The following LRP10 variants were observed in gnomAD, a reference collection of about 807,000 sequenced individuals.
LRP10 encodes low-density lipoprotein receptor-related protein 10.
In LRP10, 42 loss-of-function variants were observed where a neutral mutation model predicts 58.5. The observed-to-expected ratio is 0.72, with a 90% confidence interval of 0.56 to 0.93. The LOEUF is 0.93. Ranked by LOEUF, LRP10 falls within the 40% of genes least tolerant of loss-of-function variation. LRP10 has a pLI of 0.00. For synonymous variants in LRP10, 377 were observed against 388.5 expected, an observed-to-expected ratio of 0.97 and a Z score of 0.35; for missense variants, 872 against 940.1, an observed-to-expected ratio of 0.93 and a Z score of 0.95.
chr14:22,872,799 T>C lies in LRP10; in HGVS notation c.79+17T>C, dbSNP rs781021837. The C allele has an allele frequency of 2.5e-6, 4 of 1,613,840 alleles. No individual in the cohort carries two copies. In the South Asian group the frequency reaches 4.4e-5, roughly 18 times the overall value. Reference sequence around the variant, plus strand: ...CAAATCATGGTGAGTTGAGGGAACCTCTGGGGCTCCGTGGGCTTGGGAATG... The same window carrying C: ...CAAATCATGGTGAGTTGAGGGAACCCCTGGGGCTCCGTGGGCTTGGGAATG... On this transcript the variant is annotated intron_variant, in intron 2 of 6. Coordinates refer to ENST00000359591, the MANE Select transcript of LRP10 (RefSeq NM_014045.5).
At position 22,877,080 on chromosome 14, in the gene LRP10, G is replaced by A. The variant is rs772610337; in HGVS notation, c.1695G>A (p.Leu565=). The A allele has an allele frequency of 6.8e-6, 11 of 1,613,846 alleles. No individual in the cohort carries two copies. Among genetic ancestry groups the A allele is most frequent in the Non-Finnish European group, 9.3e-6 (11 of 1,179,884 alleles). Residue 565 remains leucine, a synonymous_variant, in exon 7 of 7, where the codon TTG becomes TTA. Transcript: ENST00000359591. The surrounding 1 kb of genome is among the most constrained non-coding windows in gnomAD (Gnocchi z 5.1). ...RLVRRLRRWG[L]LPRTNTPARA... The stretch of plus-strand genomic sequence containing the variant: ...TACGCCGTCTCCGCCGCTGGGGCTT[G>A]CTCCCTCGAACCAACACCCCGGCTC...
rs1007594885 is a variant in LRP10 at position 22,877,371 on chromosome 14, G to T, written c.1986G>T (p.Leu662=). 2 of 1,613,564 alleles carry T rather than the reference G, an allele frequency of 1.2e-6. No homozygotes were observed. The highest frequency in any genetic ancestry group is 1.3e-5 in the African/African-American group (1 of 74,936). The change falls in exon 7 of 7, where the codon CTG becomes CTT. Residue 662 remains leucine, a synonymous_variant. Coordinates refer to ENST00000359591, the MANE Select transcript of LRP10 (RefSeq NM_014045.5). The surrounding 1 kb of genome is among the most constrained non-coding windows in gnomAD (Gnocchi z 5.1). ...SGVVQALRGR[L]LPSLGPPGPT... is the part of the protein sequence containing the mutation. ...TGGTGCAGGCCCTGCGAGGCCGCCT[G>T]TTGCCCAGCCTGGGGCCCCCAGGAC... is the stretch of plus-strand genomic sequence containing the variant.
In LRP10 at chr14:22,877,774, A is replaced by T. The variant is rs1177596677; in HGVS notation, c.*247A>T. On this transcript the variant is annotated 3_prime_UTR_variant, in exon 7 of 7. Coordinates refer to ENST00000359591, the MANE Select transcript of LRP10 (RefSeq NM_014045.5). The surrounding 1 kb of genome is among the most constrained non-coding windows in gnomAD (Gnocchi z 5.1). ...CAGACACCCCAGTCCCTTCACCACC[A>T]CCTGCTCCCCACGCCACCACCATTT... is the stretch of plus-strand genomic sequence containing the variant. 2.5e-6 allele frequency: 1 copy of T among 401,710 alleles called. No individual in the cohort carries two copies. The highest frequency in any genetic ancestry group is 4.4e-6 in the Non-Finnish European group (1 of 227,382). 24.9% of individuals were successfully genotyped at this position (401,710 alleles called of 1,614,324 possible). A position where few individuals can be genotyped will look rare whatever the true frequency, so the allele number is the denominator to read the frequency against.
intron 2 of LRP10, 135 bp downstream of exon 2, chr14:22,872,917 A>G: frequency 1.1e-6 from 1 of 876,166 alleles, no homozygotes; most frequent in Non-Finnish European, 1.8e-6. Flanking sequence ...ATTTATAGAT[A>G]AGGAAGCTGA....
rs1268118563 is a variant in LRP10, at chr14:22,873,295, A to G, written c.80-16A>G. Reference sequence around the variant, plus strand: ...AGGGGCTGTCTACTACCCGTGTCCTACCTTCCTCTCTCCAGCTTGTGAGGA... The same window carrying G: ...AGGGGCTGTCTACTACCCGTGTCCTGCCTTCCTCTCTCCAGCTTGTGAGGA... On this transcript the variant is annotated splice_polypyrimidine_tract_variant and intron_variant, in intron 2 of 6. Transcript: ENST00000359591. The G allele has an allele frequency of 4.4e-6, 7 of 1,609,058 alleles. No homozygotes were observed. Among genetic ancestry groups the G allele is most frequent in the Non-Finnish European group, 6.0e-6 (7 of 1,176,446 alleles).
rs1214668596 is a variant in LRP10 at position 22,876,927 on chromosome 14, C to T, written c.1555-13C>T. The T allele has an allele frequency of 3.8e-6, 6 of 1,580,616 alleles. No homozygotes were observed. Among genetic ancestry groups the T allele is most frequent in the Non-Finnish European group, 5.2e-6 (6 of 1,160,540 alleles). On this transcript the variant is annotated splice_polypyrimidine_tract_variant and intron_variant, in intron 6 of 6. Transcript: ENST00000359591. Reference sequence around the variant, plus strand: ...TGGCCCTCTGACTCTGAGGCCTCCTCATTTCCTTGCAGAACTCAGTGCTGG... The same window carrying T: ...TGGCCCTCTGACTCTGAGGCCTCCTTATTTCCTTGCAGAACTCAGTGCTGG...
chr14:22,880,897 G>T lies in LRP10; in HGVS notation c.*3370G>T, dbSNP rs558500527. ...TGCGTGCCTGTAGTCCCATCTACTC[G>T]GGAGGCTGAAGCAGGAGAATCACTT... On this transcript the variant is annotated 3_prime_UTR_variant, in exon 7 of 7. Transcript: ENST00000359591. 2 of 152,216 alleles carry T rather than the reference G, an allele frequency of 1.3e-5. No homozygotes were observed. Among genetic ancestry groups the T allele is most frequent in the African/African-American group, 2.4e-5 (1 of 41,428 alleles). 9.4% of individuals were successfully genotyped at this position (152,216 alleles called of 1,614,324 possible).
chr14:22,872,270 C>T lies in LRP10; in HGVS notation c.-34C>T. The T allele has an allele frequency of 6.2e-7, 1 of 1,613,508 alleles. No homozygotes were observed. Among genetic ancestry groups the T allele is most frequent in the Non-Finnish European group, 8.5e-7 (1 of 1,179,498 alleles). On this transcript the variant is annotated 5_prime_UTR_variant, in exon 1 of 7. Transcript: ENST00000359591. Reference sequence around the variant, plus strand: ...CCCCATCGGGTAGACCACAGAAGCTCCGGGACCCTTCCGGCACCTCTGGAC... The same window carrying T: ...CCCCATCGGGTAGACCACAGAAGCTTCGGGACCCTTCCGGCACCTCTGGAC...
At chr14:22,872,647 A>C in intron 1 of LRP10, 91 bp from the exon 2 acceptor site, 1 of 1,288,288 alleles carries the variant, frequency 7.8e-7, no homozygotes, top group Non-Finnish European at 1.1e-6. Flanking sequence ...ACTGCCCGGA[A>C]GTCCCGGATG....
At chr14:22,873,550 G>A in intron 3 of LRP10, 104 bp downstream of exon 3, 2 of 1,370,384 alleles carry the variant, frequency 1.5e-6, no homozygotes, top group Non-Finnish European at 2.0e-6. Context: ...TTGAGACGGA[G>A]TTTCACTCTT....
intron 3 of LRP10, among the ~76,000 whole-genome samples, chr14:22,874,649 A>C (rs1005585976): frequency 6.6e-6 from 1 of 152,230 alleles, no homozygotes; most frequent in Admixed American, 6.5e-5. Flanking sequence ...GCACTTTGGG[A>C]GACCAAGGCG....
At chr14:22,873,239 C>T in intron 2 of LRP10, 72 bp from the exon 3 acceptor site, 1 of 1,544,242 alleles carries the variant, frequency 6.5e-7, no homozygotes, top group South Asian at 1.2e-5. Context: ...AACCTCAAGC[C>T]TCCAAGCGGA....
chr14:22,875,050 C>T lies in LRP10; in HGVS notation c.216-5C>T. The T allele has an allele frequency of 3.2e-6, 5 of 1,556,560 alleles. No homozygotes were observed. The highest frequency in any genetic ancestry group is 1.4e-5 in the African/African-American group (1 of 73,542). On this transcript the variant is annotated splice_region_variant and splice_polypyrimidine_tract_variant and intron_variant, in intron 3 of 6. Coordinates refer to ENST00000359591, the MANE Select transcript of LRP10 (RefSeq NM_014045.5). ...CTCATGTCCTGCTCTCCTCTACTCC[C>T]ATAGGTTCCAGAAGCTACACCTGGC... is the stretch of plus-strand genomic sequence containing the variant.
chr14:22,876,087 G>C lies in LRP10; in HGVS notation c.1139G>C (p.Arg380Pro). The change falls in exon 5 of 7, where the codon CGC becomes CCC. Residue 380 changes from arginine to proline, a missense_variant. Physicochemically the swap from Arg to Pro is moderately radical, Grantham distance 103. Coordinates refer to ENST00000359591, the MANE Select transcript of LRP10 (RefSeq NM_014045.5). ...ACAGCCTGCTACCTGCCTGCTGACC[G>C]CTGCAACTACCAGACTTTCTGTGCT... Reference protein sequence around the residue: ...GATACYLPADRCNYQTFCADG... With the variant: ...GATACYLPADPCNYQTFCADG... 6.2e-7 allele frequency: 1 copy of C among 1,613,932 alleles called. No homozygotes were observed. Among genetic ancestry groups the C allele is most frequent in the East Asian group, 2.2e-5 (1 of 44,872 alleles).
intron 1 of LRP10, among the ~76,000 whole-genome samples, 162 bp from the exon 2 acceptor site, chr14:22,872,576 T>C (rs1317131140): frequency 6.7e-6 from 1 of 150,026 alleles, no homozygotes; most frequent in Non-Finnish European, 1.5e-5. Context: ...CTGCCGGACC[T>C]TCCTTCCATG....
intron 5 of LRP10, 131 bp from the exon 6 acceptor site, chr14:22,876,558 G>A: frequency 7.2e-7 from 1 of 1,389,938 alleles, no homozygotes; most frequent in Non-Finnish European, 9.8e-7. Context: ...GACCTCAGAT[G>A]ACCTTTGGGA....
Position 22,880,352 on chromosome 14 carries a change from G to A in LRP10, c.*2825G>A, listed in dbSNP as rs892589476. The A allele has an allele frequency of 3.3e-5, 5 of 151,872 alleles. No individual in the cohort carries two copies. Among genetic ancestry groups the A allele is most frequent in the African/African-American group, 1.2e-4 (5 of 41,324 alleles). The allele number at this position is 151,872 out of a possible 1,614,324, so 9.4% of individuals were successfully genotyped here. On this transcript the variant is annotated 3_prime_UTR_variant, in exon 7 of 7. Coordinates refer to ENST00000359591, the MANE Select transcript of LRP10 (RefSeq NM_014045.5). ...ATCGCGCCACTGCACTCTAGCCTGG[G>A]TGACAGAGCGAGACTCCTTCTCCAA...
chr14:22,876,425 G>A lies in LRP10; in HGVS notation c.1424+53G>A, dbSNP rs531344823. The A allele has an allele frequency of 6.1e-5, 97 of 1,592,716 alleles. No individual in the cohort carries two copies. The African/African-American group carries it at 1.2e-3, about 20-fold the overall frequency. On this transcript the variant is annotated intron_variant, in intron 5 of 6. Transcript: ENST00000359591. ...AGAGTAGACCCTGAGGGTGAGGCTG[G>A]GCTGTGCAGCTACAGGAGACCACGA...
chr14:22,872,701 T>G (rs534519980), intron 1 of LRP10, 37 bp from the exon 2 acceptor site: 3 of 1,603,306 alleles, frequency 1.9e-6, no homozygotes, highest in African/African-American at 1.3e-5. Context: ...TCCTAAGGAG[T>G]GTCTCACGCT....
Sources: allele counts gnomAD v4.1 joint callset (sites outside exome capture counted in the v4.1 genomes callset), GRCh38; gene constraint gnomAD v4.1.1; non-coding constraint Gnocchi (gnomAD v3.1); transcripts MANE v1.5; gene names NCBI Gene and HGNC (gene_info 2026-07-23, HGNC 2026-07-21).